SNX24: variants seen among roughly 807,000 people sequenced by gnomAD.
SNX24 encodes the protein sorting nexin 24, also known as sorting nexin-24.
A neutral mutation model predicts 28.7 loss-of-function variants in SNX24; 22 were observed. The observed-to-expected ratio is 0.77, with a 90% CI of 0.55 to 1.10. The LOEUF (loss-of-function observed/expected upper bound fraction) is 1.10, where lower values mean the gene tolerates loss of function less well. SNX24 is among the 50% of genes least tolerant of loss of function. SNX24 has a pLI of 0.00. For synonymous variants in SNX24, 69 were observed against 71.5 expected, an observed-to-expected ratio of 0.96 and a Z score of 0.18; for missense variants, 221 against 201.1, an observed-to-expected ratio of 1.10 and a Z score of -0.60.
intron 6 of SNX24, 131 bp from the exon 7 acceptor site, chr5:123,007,551 C>T (rs1207817830): frequency 6.0e-6 from 5 of 836,988 alleles, no homozygotes; most frequent in Non-Finnish European, 9.2e-6. Context: ...CAGGCACATG[C>T]CTGGCGATGC....
intron 1 of SNX24, among the ~76,000 whole-genome samples, chr5:122,895,870 C>T (rs1021933033): frequency 3.3e-5 from 5 of 152,170 alleles, no homozygotes; most frequent in African/African-American, 1.2e-4. Context: ...GCAGCAAGGC[C>T]GGGCACAGTG....
At chr5:122,898,472 G>A (rs1327592312) in intron 1 of SNX24, among the ~76,000 whole-genome samples, 2 of 152,202 alleles carry the variant, frequency 1.3e-5, no homozygotes, top group Non-Finnish European at 2.9e-5. Context: ...GGACAGTGCA[G>A]TGAGCCATGT....
chr5:122,976,492 T>G (rs1761170194), intron 3 of SNX24, among the ~76,000 whole-genome samples: 1 of 152,216 alleles, frequency 6.6e-6, no homozygotes, highest in African/African-American at 2.4e-5. Context: ...GAGAATTTGC[T>G]GTAGAAGTAC....
chr5:122,855,690 AT>A (rs1755155392), intron 1 of SNX24, among the ~76,000 whole-genome samples: 1 of 152,124 alleles, frequency 6.6e-6, no homozygotes, highest in African/African-American at 2.4e-5. Flanking sequence ...AATGTTCTAT[AT>A]CCTTTGTTGT....
chr5:122,852,437 A>G (rs1754966884), intron 1 of SNX24, among the ~76,000 whole-genome samples: 1 of 151,574 alleles, frequency 6.6e-6, no homozygotes, highest in South Asian at 2.1e-4. Flanking sequence ...TGACCTCCCC[A>G]GGCTCAGGTG....
At position 123,001,431 on chromosome 5, in the gene SNX24, A is replaced by C; in HGVS notation, c.371A>C (p.Glu124Ala). Residue 124 changes from glutamate to alanine, a missense_variant, in exon 5 of 7, where the codon GAG becomes GCG. By Grantham distance (107) the Glu-to-Ala change is moderately radical (BLOSUM62 -1). Transcript: ENST00000261369. ...CGSFDETESE[E>A]SSKLSHQPVL... Reference sequence around the variant, plus strand: ...TCTTTTGATGAAACAGAGTCTGAAGAGTCAAGGTAAGGACTAATCCTCATC... The same window carrying C: ...TCTTTTGATGAAACAGAGTCTGAAGCGTCAAGGTAAGGACTAATCCTCATC... 1 of 1,605,272 alleles carries C rather than the reference A, an allele frequency of 6.2e-7. No individual in the cohort carries two copies. The highest frequency in any genetic ancestry group is 8.5e-7 in the Non-Finnish European group (1 of 1,172,840).
Position 122,933,398 on chromosome 5 carries a change from C to A in SNX24, c.61-3336C>A, listed in dbSNP as rs569510945. On this transcript the variant is annotated intron_variant, in intron 1 of 6. Transcript: ENST00000261369. ...GGCCTCCTCAGCTGCAGGCATTCAC[C>A]CAGGGTGCAGCTCCCTGTTCTCCAT... Among the ~76,000 whole-genome samples, 2 of 152,298 alleles carry A rather than the reference C, an allele frequency of 1.3e-5. 1 individual carries two copies. Among genetic ancestry groups the A allele is most frequent in the South Asian group, 4.1e-4 (2 of 4,824 alleles).
intron 3 of SNX24, among the ~76,000 whole-genome samples, chr5:122,958,374 C>T (rs1272756710): frequency 6.6e-6 from 1 of 152,108 alleles, no homozygotes; most frequent in East Asian, 1.9e-4. Context: ...CTGCCTCAGC[C>T]TCCCAAGTAG....
At chr5:122,899,484 C>T (rs1462607784) in intron 1 of SNX24, among the ~76,000 whole-genome samples, 1 of 152,152 alleles carries the variant, frequency 6.6e-6, no homozygotes, top group African/African-American at 2.4e-5. Flanking sequence ...TTACAGCTCA[C>T]TGAATCCTCG....
chr5:122,938,106 C>G (rs773917332), intron 2 of SNX24, among the ~76,000 whole-genome samples: 3 of 152,150 alleles, frequency 2.0e-5, no homozygotes, highest in Non-Finnish European at 4.4e-5. Context: ...CACAGCCCAG[C>G]TGTACTCTCC....
chr5:122,889,951 G>A (rs1278294165), intron 1 of SNX24, among the ~76,000 whole-genome samples: 1 of 148,746 alleles, frequency 6.7e-6, no homozygotes, highest in Non-Finnish European at 1.5e-5. Flanking sequence ...GATCCAAATA[G>A]TACATTATAT....
chr5:122,905,983 C>G (rs762586924), intron 1 of SNX24, among the ~76,000 whole-genome samples: 1 of 152,174 alleles, frequency 6.6e-6, no homozygotes, highest in Non-Finnish European at 1.5e-5. Context: ...GACAGAATAA[C>G]AGCTAAGAGT....
chr5:123,001,837 A>G (rs373170493), intron 5 of SNX24, 103 bp from the exon 6 acceptor site: 48 of 928,064 alleles, frequency 5.2e-5, no homozygotes, highest in East Asian at 3.6e-4. Flanking sequence ...ATAAACCTTG[A>G]GACGTCCCCG....
intron 1 of SNX24, among the ~76,000 whole-genome samples, chr5:122,906,923 C>A (rs1391657068): frequency 4.6e-5 from 7 of 152,174 alleles, no homozygotes; most frequent in Non-Finnish European, 1.5e-5. Flanking sequence ...GTGACTCTAG[C>A]CCCTGCTCAT....
intron 1 of SNX24, among the ~76,000 whole-genome samples, chr5:122,873,791 G>T (rs1756095021): frequency 7.3e-6 from 1 of 137,032 alleles, no homozygotes; most frequent in Admixed American, 7.6e-5. Context: ...TTGAGATGGA[G>T]TTTCACTCTT....
intron 3 of SNX24, among the ~76,000 whole-genome samples, chr5:122,964,126 C>T (rs977789126): frequency 1.3e-5 from 2 of 151,454 alleles, no homozygotes; most frequent in African/African-American, 4.9e-5. Context: ...GCCTGTAATC[C>T]CAGCTACTTG....
intron 5 of SNX24, among the ~76,000 whole-genome samples, chr5:123,025,522 C>T (rs1371482103): frequency 6.6e-6 from 1 of 152,018 alleles, no homozygotes; most frequent in Non-Finnish European, 1.5e-5. Flanking sequence ...ATATTGGTTC[C>T]ATTAAAAAGG....
chr5:122,878,690 C>T (rs1026280242), intron 1 of SNX24, among the ~76,000 whole-genome samples: 5 of 152,206 alleles, frequency 3.3e-5, no homozygotes, highest in Admixed American at 2.0e-4. Flanking sequence ...ATATAATGCT[C>T]ACCGTTTGTG....
In SNX24 at chr5:123,002,005, GT is replaced by G; in HGVS notation, c.442+2del. 1 of 1,612,836 alleles carries G rather than the reference GT, an allele frequency of 6.2e-7. No individual in the cohort carries two copies. Among genetic ancestry groups the G allele is most frequent in the Non-Finnish European group, 8.5e-7 (1 of 1,178,908 alleles). On this transcript the variant is annotated splice_donor_variant, in intron 6 of 6. Transcript: ENST00000261369. LOFTEE classifies it high-confidence loss of function. The stretch of plus-strand genomic sequence containing the variant: ...CCATATGTCTTGCCTGCAGCCAGCG[GT>G]AATCAAACCTGTCATCTGCTAACAG...
Sources: allele counts gnomAD v4.1 joint callset (sites outside exome capture counted in the v4.1 genomes callset), GRCh38; gene constraint gnomAD v4.1.1; transcripts MANE v1.5; gene names NCBI Gene and HGNC (gene_info 2026-07-23, HGNC 2026-07-21).